The following RAB40C variants were observed in gnomAD, a reference collection of about 807,000 sequenced individuals.
RAB40C encodes the protein RAB40C, member RAS oncogene family.
A neutral mutation model predicts 28.1 loss-of-function variants in RAB40C; 8 were observed. The observed-to-expected ratio is 0.28, with a 90% confidence interval of 0.17 to 0.51. The LOEUF (loss-of-function observed/expected upper bound fraction) is 0.51. RAB40C is among the 20% of genes least tolerant of loss of function. The pLI is 0.97. For synonymous variants in RAB40C, 201 were observed against 171.7 expected (o/e 1.17, Z -1.34); for missense variants, 288 against 405.9 (o/e 0.71, Z 2.50).
intron 5 of RAB40C, among the ~76,000 whole-genome samples, chr16:626,970 G>A (rs2036851639): frequency 6.6e-6 from 1 of 152,174 alleles, no homozygotes; most frequent in South Asian, 2.1e-4. Flanking sequence ...GAGTGCTCTA[G>A]GGAATGAGTC....
intron 1 of RAB40C, among the ~76,000 whole-genome samples, chr16:594,889 G>T (rs551550147): frequency 6.6e-6 from 1 of 150,778 alleles, no homozygotes; most frequent in African/African-American, 2.4e-5. Flanking sequence ...GCGCGATCTC[G>T]GCTCACTGCA....
At chr16:608,884 G>T (rs1240256522) in intron 1 of RAB40C, among the ~76,000 whole-genome samples, 1 of 152,158 alleles carries the variant, frequency 6.6e-6, no homozygotes, top group Non-Finnish European at 1.5e-5. Context: ...GGAGGTCAAG[G>T]TGGGCAGATT....
In RAB40C at chr16:627,797, C is replaced by A. The variant is rs908930271; in HGVS notation, c.*175C>A. The A allele has an allele frequency of 2.6e-6, 2 of 766,084 alleles. No individual in the cohort carries two copies. Among genetic ancestry groups the A allele is most frequent in the African/African-American group, 1.8e-5 (1 of 55,834 alleles). The allele number at this position is 766,084 out of a possible 1,614,324, so 47.5% of individuals were successfully genotyped here. A position where few individuals can be genotyped will look rare whatever the true frequency, so the allele number is the denominator to read the frequency against. ...AGGAGGAGCATGCACGGACCAAGCG[C>A]GGCAGGCGGGAGGAGGGGGCGCGGC... On this transcript the variant is annotated 3_prime_UTR_variant, in exon 6 of 6. Transcript: ENST00000248139.
rs374602717 is a variant in RAB40C, at chr16:625,503, C to T, written c.336C>T (p.Ile112=). 2.5e-6 allele frequency: 4 copies of T among 1,613,192 alleles called. No individual in the cohort carries two copies. Among genetic ancestry groups the T allele is most frequent in the East Asian group, 4.5e-5 (2 of 44,884 alleles). The change falls in exon 4 of 6, where the codon ATC becomes ATT. Residue 112 remains isoleucine, a synonymous_variant. Transcript: ENST00000248139. ...FDGIDRWIKE[I]DEHAPGVPRI... ...GCATCGACCGCTGGATCAAGGAGAT[C>T]GATGAGGTAGGCCTGGGTCCGGGGA...
chr16:599,432 G>C (rs1468240391), intron 1 of RAB40C, among the ~76,000 whole-genome samples: 2 of 152,236 alleles, frequency 1.3e-5, no homozygotes, highest in Non-Finnish European at 2.9e-5. Context: ...ACTTCACCAG[G>C]TCAGCAAGGA....
intron 3 of RAB40C, among the ~76,000 whole-genome samples, chr16:620,359 C>T (rs558345302): frequency 3.4e-5 from 5 of 147,760 alleles, no homozygotes; most frequent in African/African-American, 8.0e-5. Flanking sequence ...TGCCATTGCA[C>T]GCCAACCTGG....
At chr16:602,246 C>G (rs1223902855) in intron 1 of RAB40C, among the ~76,000 whole-genome samples, 1 of 139,274 alleles carries the variant, frequency 7.2e-6, no homozygotes, top group African/African-American at 2.5e-5. Context: ...GTGGTCATCT[C>G]TGTTTTTTTT....
At chr16:617,363 G>C in intron 2 of RAB40C, 95 bp downstream of exon 2, 1 of 1,461,126 alleles carries the variant, frequency 6.8e-7, no homozygotes, top group Non-Finnish European at 9.6e-7. Context: ...CGTCCTGTTT[G>C]CATTTCACTT....
rs564997899 is a variant in RAB40C at position 594,414 on chromosome 16, A to C, written c.142+3981A>C. Among the ~76,000 whole-genome samples, 35 of 152,276 alleles carry C rather than the reference A, an allele frequency of 2.3e-4. 1 individual carries two copies. Among genetic ancestry groups the C allele is most frequent in the African/African-American group, 8.4e-4 (35 of 41,548 alleles). ...CTGTGGATGTTGGGGCCTGGTGGTCACTGAGATGTCTGTGGGGCCACACGC... is the reference window on the plus strand; with the variant it reads ...CTGTGGATGTTGGGGCCTGGTGGTCCCTGAGATGTCTGTGGGGCCACACGC... On this transcript the variant is annotated intron_variant, in intron 1 of 5. Coordinates refer to ENST00000248139, the MANE Select transcript of RAB40C (RefSeq NM_021168.5).
intron 1 of RAB40C, among the ~76,000 whole-genome samples, chr16:609,284 A>T (rs1208757290): frequency 6.6e-6 from 1 of 151,896 alleles, no homozygotes; most frequent in East Asian, 1.9e-4. Context: ...GGAGCACAGG[A>T]GGTTTATTCT....
chr16:614,910 A>T (rs572945634), intron 1 of RAB40C, among the ~76,000 whole-genome samples: 1 of 152,316 alleles, frequency 6.6e-6, no homozygotes, highest in Admixed American at 6.5e-5. Context: ...GAACTGCCTA[A>T]CTCTACCGCA....
At chr16:614,801 C>T (rs925739441) in intron 1 of RAB40C, among the ~76,000 whole-genome samples, 2 of 151,854 alleles carry the variant, frequency 1.3e-5, no homozygotes, top group South Asian at 2.1e-4. Context: ...TACCTCGTCC[C>T]GACGGTGAAC....
intron 1 of RAB40C, among the ~76,000 whole-genome samples, chr16:601,628 T>C (rs1429951987): frequency 6.6e-6 from 1 of 151,814 alleles, no homozygotes; most frequent in Non-Finnish European, 1.5e-5. Flanking sequence ...AATAGAATTG[T>C]TATCCTAAAA....
intron 1 of RAB40C, among the ~76,000 whole-genome samples, chr16:613,158 G>C (rs1209920183): frequency 1.4e-4 from 18 of 132,040 alleles, no homozygotes; most frequent in African/African-American, 3.5e-4. Flanking sequence ...CAGCCGCCCT[G>C]GCCTGTAGAA....
At chr16:601,984 G>T (rs1177307152) in intron 1 of RAB40C, among the ~76,000 whole-genome samples, 2 of 152,018 alleles carry the variant, frequency 1.3e-5, no homozygotes, top group South Asian at 4.1e-4. Flanking sequence ...AAGTTAGCGG[G>T]GTGTGGTGTC....
At chr16:620,834 C>T (rs1388411262) in intron 3 of RAB40C, among the ~76,000 whole-genome samples, 32 of 150,342 alleles carry the variant, frequency 2.1e-4, no homozygotes, top group Non-Finnish European at 3.3e-4. Flanking sequence ...CAGCCACCCC[C>T]CCCGACGGGC....
At chr16:616,419 A>G (rs868402310) in intron 1 of RAB40C, among the ~76,000 whole-genome samples, 2 of 150,698 alleles carry the variant, frequency 1.3e-5, no homozygotes, top group South Asian at 2.1e-4. Context: ...GCTCACTGCA[A>G]CCTCCACCTC....
At chr16:601,353 C>T (rs1187083716) in intron 1 of RAB40C, among the ~76,000 whole-genome samples, 1 of 152,078 alleles carries the variant, frequency 6.6e-6, no homozygotes, top group Non-Finnish European at 1.5e-5. Context: ...TTACATTTGC[C>T]CTAGGTGGGC....
Position 627,547 on chromosome 16 carries a change from C to G in RAB40C, c.771C>G (p.Leu257=). The change falls in exon 6 of 6, where the codon CTC becomes CTG. Residue 257 remains leucine, a synonymous_variant. Transcript: ENST00000248139. ...AGGGGSKGNS[L]KRSKSIRPPQ... ...GCGGCGGCAGCAAGGGCAACAGCCTCAAGAGGTCCAAGTCCATCCGTCCAC... is the reference window on the plus strand; with the variant it reads ...GCGGCGGCAGCAAGGGCAACAGCCTGAAGAGGTCCAAGTCCATCCGTCCAC... 6.2e-7 allele frequency: 1 copy of G among 1,613,476 alleles called. No individual in the cohort carries two copies. Among genetic ancestry groups the G allele is most frequent in the Non-Finnish European group, 8.5e-7 (1 of 1,179,884 alleles).
Sources: gnomAD v4.1 joint callset for allele counts (sites outside exome capture counted in the v4.1 genomes callset) on GRCh38, gnomAD v4.1.1 for gene constraint, MANE v1.5 for transcripts, NCBI Gene and HGNC (gene_info 2026-07-23, HGNC 2026-07-21) for gene names.